The following ITFG2 variants were observed in gnomAD, a reference collection of about 807,000 sequenced individuals.
The protein encoded by ITFG2 is KICSTOR complex protein ITFG2.
ITFG2 carries 36 observed loss-of-function variants against 54.4 expected under a neutral mutation model. The observed-to-expected ratio is 0.66, with a 90% CI of 0.51 to 0.87. The LOEUF (loss-of-function observed/expected upper bound fraction) is 0.87, where lower values mean the gene tolerates loss of function less well. ITFG2 is among the 40% of genes least tolerant of loss of function. The pLI is 0.00. For missense variants in ITFG2, 524 were observed against 576.7 expected (o/e 0.91, Z 0.94); for synonymous variants, 211 against 225.4 (o/e 0.94, Z 0.57).
In ITFG2 at chr12:2,821,142, A is replaced by G. The variant is rs982121559; in HGVS notation, c.696-120A>G. The G allele has an allele frequency of 3.6e-6, 3 of 823,118 alleles. No homozygotes were observed. In the African/African-American group the frequency reaches 5.2e-5, roughly 14 times the overall value. The allele number at this position is 823,118 out of a possible 1,614,324, so 51.0% of individuals were successfully genotyped here. ...TTTGCCACATGGGCCAGATAGGGTC[A>G]GTGGTAGGTTTCTAAGCTGATTCAA... On this transcript the variant is annotated intron_variant, in intron 6 of 11. Coordinates refer to ENST00000228799, the MANE Select transcript of ITFG2 (RefSeq NM_018463.4).
Position 2,821,682 on chromosome 12 carries a change from C to A in ITFG2, c.848-10C>A, listed in dbSNP as rs1470353208. On this transcript the variant is annotated splice_polypyrimidine_tract_variant and intron_variant, in intron 8 of 11. Coordinates refer to ENST00000228799, the MANE Select transcript of ITFG2 (RefSeq NM_018463.4). The stretch of plus-strand genomic sequence containing the variant: ...TCCCACCCACACTCAGCCTGCCTCT[C>A]CCCCGGCAGGGACACTGAAGCTCAT... The A allele has an allele frequency of 5.6e-6, 9 of 1,613,242 alleles. No individual in the cohort carries two copies. The highest frequency in any genetic ancestry group is 4.0e-5 in the African/African-American group (3 of 74,898).
upstream of ITFG2, among the ~76,000 whole-genome samples, chr12:2,833,441 C>T (rs1470961134): frequency 6.6e-6 from 1 of 152,038 alleles, no homozygotes; most frequent in African/African-American, 2.4e-5. Flanking sequence ...GGGCTGTGGT[C>T]CTGGTGGGGG....
intron 2 of ITFG2, chr12:2,855,244 G>A: frequency 6.6e-7 from 1 of 1,508,810 alleles, no homozygotes; most frequent in Non-Finnish European, 8.9e-7. Flanking sequence ...AAAGCCCCAG[G>A]TGTGCTGGGC....
downstream of ITFG2, chr12:2,827,993 TGGGG>T (rs750952502): frequency 6.2e-7 from 1 of 1,614,196 alleles, no homozygotes; most frequent in African/African-American, 1.3e-5. This position sits in a 1 kb window ranked among gnomAD's most constrained non-coding sequence, Gnocchi z 4.0. Context: ...CCACCTGGGT[TGGGG>T]GCCCAGGGGC....
At chr12:2,855,622 A>T (rs2098084844) in intron 2 of ITFG2, among the ~76,000 whole-genome samples, 2 of 152,280 alleles carry the variant, frequency 1.3e-5, no homozygotes, top group South Asian at 4.1e-4. Flanking sequence ...GGCGGAAGTT[A>T]TGGCTGCTGC....
chr12:2,815,397 G>C (rs2097919168), intron 1 of ITFG2, among the ~76,000 whole-genome samples: 1 of 152,174 alleles, frequency 6.6e-6, no homozygotes, highest in African/African-American at 2.4e-5. Flanking sequence ...TGGTGGAGAG[G>C]CTCCATACAG....
At chr12:2,836,729 G>A (rs1362671257), upstream of ITFG2, 3 of 152,202 alleles carry the variant, frequency 2.0e-5, no homozygotes, top group Non-Finnish European at 2.9e-5. Flanking sequence ...CCATATGACT[G>A]CGCTCTTATT....
chr12:2,817,348 G>C, intron 2 of ITFG2, 30 bp downstream of exon 2: 3 of 1,521,304 alleles, frequency 2.0e-6, no homozygotes, highest in Non-Finnish European at 1.8e-6. Flanking sequence ...GGCCTGGAGG[G>C]GGGAAGGGAT....
At chr12:2,815,669 CA>C (rs2097919629) in intron 1 of ITFG2, among the ~76,000 whole-genome samples, 1 of 152,204 alleles carries the variant, frequency 6.6e-6, no homozygotes, top group Non-Finnish European at 1.5e-5. Flanking sequence ...AAACATGTCC[CA>C]TTTGTAATGG....
At chr12:2,820,385 A>G (rs1276672879) in intron 5 of ITFG2, among the ~76,000 whole-genome samples, 160 bp downstream of exon 5, 1 of 152,068 alleles carries the variant, frequency 6.6e-6, no homozygotes, top group South Asian at 2.1e-4. Context: ...TCAGGGGCTT[A>G]GGGGAAATTG....
chr12:2,828,371 TG>T, downstream of ITFG2: 1 of 1,614,166 alleles, frequency 6.2e-7, no homozygotes, highest in African/African-American at 1.3e-5. Context: ...CCGATTGTAT[TG>T]GGTGCCTGTG....
downstream of ITFG2, chr12:2,827,609 T>A (rs747981625): frequency 4.3e-6 from 7 of 1,614,194 alleles, no homozygotes; most frequent in South Asian, 7.7e-5. The surrounding 1 kb of genome is among the most constrained non-coding windows in gnomAD (Gnocchi z 4.0). Flanking sequence ...GGTCAGGCCC[T>A]GAGTGGGTGC....
In ITFG2 at chr12:2,856,767, T is replaced by C. The variant is rs553483098; in HGVS notation, n.301-1245T>C. Among the ~76,000 whole-genome samples the C allele has an allele frequency of 2.6e-5, 4 of 152,304 alleles. No homozygotes were observed. The South Asian group carries it at 8.3e-4, about 32-fold the overall frequency. On this transcript the variant is annotated intron_variant and non_coding_transcript_variant, in intron 2 of 3. Transcript: ENST00000537710. ...TGGGTGGGGCTGGGAGATGTGGCAC[T>C]AGCCAGGCATCTCCTCTCTGTTCTG...
At chr12:2,813,637 C>A (rs1009103990) in intron 1 of ITFG2, among the ~76,000 whole-genome samples, 1 of 152,126 alleles carries the variant, frequency 6.6e-6, no homozygotes, top group Non-Finnish European at 1.5e-5. Context: ...CAGACTTTAT[C>A]TTTTCATTTA....
At chr12:2,844,828 C>G (rs2098049783) in intron 2 of ITFG2, among the ~76,000 whole-genome samples, 1 of 152,182 alleles carries the variant, frequency 6.6e-6, no homozygotes. Context: ...GTCATGATAC[C>G]TAGTGTCAAC....
chr12:2,841,841 C>A (rs1488142813), intron 2 of ITFG2, among the ~76,000 whole-genome samples: 6 of 151,640 alleles, frequency 4.0e-5, no homozygotes. Context: ...GTCTCAGCCT[C>A]CCGAGTAGCT....
At chr12:2,815,040 C>G (rs2097918397) in intron 1 of ITFG2, among the ~76,000 whole-genome samples, 1 of 151,244 alleles carries the variant, frequency 6.6e-6, no homozygotes, top group African/African-American at 2.4e-5. Flanking sequence ...GTGACACAAT[C>G]TCGGCTCACT....
intron 2 of ITFG2, among the ~76,000 whole-genome samples, chr12:2,851,032 T>C (rs2098069171): frequency 2.3e-5 from 3 of 129,860 alleles, no homozygotes; most frequent in Admixed American, 1.7e-4. Flanking sequence ...CCAGGCATGG[T>C]GGCACGTGCC....
chr12:2,849,331 AG>A, intron 2 of ITFG2: 2 of 1,536,086 alleles, frequency 1.3e-6, no homozygotes, highest in Non-Finnish European at 1.7e-6. Context: ...GTCCTTTATC[AG>A]GGTTTGGAAA....
Sources: allele counts gnomAD v4.1 joint callset (sites outside exome capture counted in the v4.1 genomes callset), GRCh38; gene constraint gnomAD v4.1.1; non-coding constraint Gnocchi (gnomAD v3.1); transcripts MANE v1.5; gene names NCBI Gene and HGNC (gene_info 2026-07-23, HGNC 2026-07-21).